Variants in SIL1 observed in about 807,000 individuals in gnomAD.
SIL1 encodes the protein nucleotide exchange factor SIL1.
SIL1 carries 40 observed loss-of-function variants against 49.1 expected under a neutral mutation model. That is an observed-to-expected ratio of 0.81 (90% CI 0.63 to 1.06). SIL1 has a LOEUF of 1.06. Ranked by LOEUF, SIL1 falls within the 50% of genes least tolerant of loss-of-function variation. SIL1 has a pLI of 0.00. For synonymous variants in SIL1, 253 were observed against 250.8 expected (o/e 1.01, Z -0.08); for missense variants, 500 against 572.6 (o/e 0.87, Z 1.29).
At chr5:138,988,084 C>G (rs1334847946) in intron 7 of SIL1, among the ~76,000 whole-genome samples, 1 of 152,234 alleles carries the variant, frequency 6.6e-6, no homozygotes, top group Non-Finnish European at 1.5e-5. Flanking sequence ...CTGCCCACCT[C>G]AGCCTCCCAA....
At chr5:139,034,997 A>G (rs1416121541) in intron 5 of SIL1, among the ~76,000 whole-genome samples, 2 of 151,948 alleles carry the variant, frequency 1.3e-5, no homozygotes, top group Non-Finnish European at 2.9e-5. Flanking sequence ...TGTGGTTTTG[A>G]TTTGCTTTTC....
intron 3 of SIL1, chr5:139,107,945 C>G (rs1430511386): frequency 6.6e-6 from 1 of 152,136 alleles, no homozygotes; most frequent in Non-Finnish European, 1.5e-5. Flanking sequence ...CAGCTACTAG[C>G]TATAAAAGAC....
At chr5:139,038,227 C>G (rs1425017079) in intron 5 of SIL1, among the ~76,000 whole-genome samples, 1 of 152,148 alleles carries the variant, frequency 6.6e-6, no homozygotes, top group African/African-American at 2.4e-5. Context: ...TTGTCTAATT[C>G]AAGTTGTGAT....
Position 139,127,800 on chromosome 5 carries a change from C to T in SIL1, c.44G>A (p.Gly15Asp), listed in dbSNP as rs561514954. Residue 15 changes from glycine to aspartate, a missense_variant, in exon 2 of 10, where the codon GGC becomes GAC. By Grantham distance (94) the Gly-to-Asp change is moderately conservative (BLOSUM62 -1). Transcript: ENST00000394817. ...GGCCATCAGCAGCCCAAGCAGCATG[C>T]CCAGAGGAGCCATCCTAGATGAAGG... ...SLPSSRMAPLGMLLGLLMAAC... is the reference protein window; with the variant it reads ...SLPSSRMAPLDMLLGLLMAAC... 8 of 1,609,910 alleles carry T rather than the reference C, an allele frequency of 5.0e-6. No individual in the cohort carries two copies. The highest frequency in any genetic ancestry group is 1.7e-5 in the Admixed American group (1 of 59,594).
At chr5:139,057,862 G>A (rs1415659253) in intron 3 of SIL1, among the ~76,000 whole-genome samples, 2 of 152,196 alleles carry the variant, frequency 1.3e-5, no homozygotes, top group African/African-American at 2.4e-5. Context: ...CCTCACAGAA[G>A]GTGCCTTCTA....
At chr5:138,981,074 G>A (rs774748667) in intron 7 of SIL1, among the ~76,000 whole-genome samples, 37 of 152,128 alleles carry the variant, frequency 2.4e-4, no homozygotes, top group Non-Finnish European at 4.1e-4. Context: ...CTCTGGTGGC[G>A]CATACTTGTA....
chr5:139,170,677 A>C (rs1209966214), intron 1 of SIL1, among the ~76,000 whole-genome samples: 1 of 136,976 alleles, frequency 7.3e-6, no homozygotes, highest in Non-Finnish European at 1.6e-5. Flanking sequence ...CCCAGCAGCC[A>C]CCCCGTCTGA....
intron 1 of SIL1, among the ~76,000 whole-genome samples, chr5:139,142,686 T>C (rs1229774950): frequency 6.6e-6 from 1 of 152,170 alleles, no homozygotes; most frequent in African/African-American, 2.4e-5. Context: ...GCTAGCATCA[T>C]ATTTAATGGT....
intron 1 of SIL1, among the ~76,000 whole-genome samples, 191 bp downstream of exon 1, chr5:139,198,078 A>T (rs934289737): frequency 1.3e-5 from 2 of 152,218 alleles, no homozygotes; most frequent in Non-Finnish European, 2.9e-5. Context: ...AGTGGGAAAG[A>T]TAAGAAAGGT....
At chr5:139,128,077 A>T in intron 1 of SIL1, 1 of 560,740 alleles carries the variant, frequency 1.8e-6, no homozygotes, top group Non-Finnish European at 3.4e-6. Flanking sequence ...ACAGTCGATC[A>T]GGACTCCTGC....
chr5:139,169,850 G>A (rs1265296637), intron 1 of SIL1, among the ~76,000 whole-genome samples: 6 of 147,264 alleles, frequency 4.1e-5, no homozygotes, highest in Admixed American at 6.7e-5. Context: ...CTCTCCCCAC[G>A]GTCTCCCTCT....
chr5:139,197,035 G>A (rs1028439356), intron 1 of SIL1, among the ~76,000 whole-genome samples: 8 of 152,110 alleles, frequency 5.3e-5, no homozygotes, highest in Non-Finnish European at 7.4e-5. Flanking sequence ...TTGGGAGGCC[G>A]AGGTAGACAG....
At chr5:138,951,717 C>T in intron 8 of SIL1, 71 bp downstream of exon 8, 1 of 1,413,424 alleles carries the variant, frequency 7.1e-7, no homozygotes, top group Non-Finnish European at 1.0e-6. Context: ...ACAGCCTGGA[C>T]AGGAACCCTT....
intron 9 of SIL1, among the ~76,000 whole-genome samples, chr5:138,950,016 A>G (rs1766729545): frequency 6.6e-6 from 1 of 152,038 alleles, no homozygotes; most frequent in Non-Finnish European, 1.5e-5. Flanking sequence ...AGCACCCCAA[A>G]GCTTCCAGAG....
At chr5:139,106,389 G>T (rs1770712936) in intron 3 of SIL1, among the ~76,000 whole-genome samples, 2 of 152,160 alleles carry the variant, frequency 1.3e-5, no homozygotes, top group Non-Finnish European at 2.9e-5. Flanking sequence ...TATGGTTTAT[G>T]AACTATCCTG....
intron 3 of SIL1, among the ~76,000 whole-genome samples, chr5:139,097,565 C>T (rs2151780233): frequency 1.3e-5 from 2 of 151,756 alleles, no homozygotes; most frequent in African/African-American, 4.8e-5. Context: ...GCAACCTCCA[C>T]CTCCCCAGTT....
At chr5:139,101,171 C>A (rs952009481) in intron 3 of SIL1, among the ~76,000 whole-genome samples, 1 of 152,078 alleles carries the variant, frequency 6.6e-6, no homozygotes, top group Non-Finnish European at 1.5e-5. Context: ...CAGAATATAA[C>A]CTTAACTCTC....
chr5:139,176,080 C>G (rs1488960441), intron 1 of SIL1, among the ~76,000 whole-genome samples: 1 of 152,166 alleles, frequency 6.6e-6, no homozygotes, highest in Non-Finnish European at 1.5e-5. Flanking sequence ...ACTGCAGTCT[C>G]AAAACCCTGG....
At chr5:139,194,314 G>A (rs1300396635) in intron 1 of SIL1, among the ~76,000 whole-genome samples, 2 of 152,176 alleles carry the variant, frequency 1.3e-5, no homozygotes, top group African/African-American at 4.8e-5. Flanking sequence ...CAAGGTTTTT[G>A]TCCCAAAGAT....
Sources: gnomAD v4.1 joint callset for allele counts (sites outside exome capture counted in the v4.1 genomes callset) on GRCh38, gnomAD v4.1.1 for gene constraint, MANE v1.5 for transcripts, NCBI Gene and HGNC (gene_info 2026-07-23, HGNC 2026-07-21) for gene names.